SAMSN1: variants seen among roughly 807,000 people sequenced by gnomAD.
SAMSN1 encodes the protein SAM domain-containing protein SAMSN-1.
In SAMSN1, 31 loss-of-function variants were observed where a neutral mutation model predicts 42.0. The ratio of observed to expected loss-of-function variants is 0.74; its 90% CI spans 0.55 to 1.00. The LOEUF is 1.00. Ranked by LOEUF, SAMSN1 falls within the 50% of genes least tolerant of loss-of-function variation. The pLI, the probability that SAMSN1 is intolerant of heterozygous loss-of-function variation, is 0.00. For synonymous variants in SAMSN1, 178 were observed against 151.9 expected (o/e 1.17, Z -1.26); for missense variants, 464 against 439.4 (o/e 1.06, Z -0.50).
Position 14,557,753 on chromosome 21 carries a change from T to C in SAMSN1, c.261+24383A>G, listed in dbSNP as rs562234226. Among the ~76,000 whole-genome samples the C allele has an allele frequency of 2.0e-5, 3 of 152,366 alleles. No homozygotes were observed. The Middle Eastern group carries it at 0.01, about 518-fold the overall frequency. ...AACGTCTCTGGTCTTTGCCTATCTA[T>C]GCCATTCTCCTCCTTTCTTTCTCTG... On this transcript the variant is annotated intron_variant, in intron 2 of 8. Coordinates refer to the SAMSN1 transcript ENST00000285670.
intron 6 of SAMSN1, among the ~76,000 whole-genome samples, chr21:14,595,087 G>T (rs997427032): frequency 1.3e-5 from 2 of 152,108 alleles, no homozygotes; most frequent in Non-Finnish European, 2.9e-5. Context: ...CTCACTTACT[G>T]TCATGAGAAC....
intron 4 of SAMSN1, among the ~76,000 whole-genome samples, chr21:14,611,042 C>T (rs1484178955): frequency 1.3e-5 from 2 of 152,060 alleles, no homozygotes; most frequent in African/African-American, 4.8e-5. Context: ...CCTCCTGCCT[C>T]AATTTCCCAA....
In SAMSN1 at chr21:14,511,534, A is replaced by G. The variant is rs1259879476; in HGVS notation, c.409+910T>C. On this transcript the variant is annotated intron_variant, in intron 4 of 7. Coordinates refer to ENST00000400566, the MANE Select transcript of SAMSN1 (RefSeq NM_022136.5). ...ACAAAATAACTATTCTACAGCCAAT[A>G]GGAAAATAGGAATAAAACTCAGGAT... 3.9e-5 allele frequency among the ~76,000 whole-genome samples: 6 copies of G among 152,380 alleles called. No homozygotes were observed. In the East Asian group the frequency reaches 1.2e-3, roughly 29 times the overall value.
At chr21:14,502,594 G>A (rs1023673940) in intron 5 of SAMSN1, among the ~76,000 whole-genome samples, 5 of 152,174 alleles carry the variant, frequency 3.3e-5, no homozygotes, top group Non-Finnish European at 5.9e-5. Flanking sequence ...GGCAGCAGCA[G>A]CAGTGGTCCC....
chr21:14,601,003 C>T (rs1240106573), intron 6 of SAMSN1, among the ~76,000 whole-genome samples: 2 of 152,108 alleles, frequency 1.3e-5, no homozygotes, highest in African/African-American at 2.4e-5. Flanking sequence ...CTCACTGAAT[C>T]CCATGAAAGT....
At chr21:14,489,701 C>T (rs958238123) in intron 7 of SAMSN1, among the ~76,000 whole-genome samples, 1 of 151,982 alleles carries the variant, frequency 6.6e-6, no homozygotes, top group Non-Finnish European at 1.5e-5. Flanking sequence ...TTAAAAATTA[C>T]TTAGGAAATA....
chr21:14,583,713 C>T (rs1038715645), upstream of SAMSN1: 4 of 717,672 alleles, frequency 5.6e-6, no homozygotes, highest in Admixed American at 6.0e-5. Context: ...TTAGTCCAAA[C>T]CAGTTTCTGT....
At chr21:14,582,291 T>G (rs1981762370) in exon 2 of SAMSN1, 2 of 1,550,696 alleles carry the variant, frequency 1.3e-6, no homozygotes, top group Admixed American at 2.0e-5. Flanking sequence ...TGATGCCACA[T>G]GTAAGCTTCA....
In SAMSN1 at chr21:14,485,957, C is replaced by G; in HGVS notation, c.1077G>C (p.Leu359=). The change falls in exon 8 of 8, where the codon CTG becomes CTC. Residue 359 remains leucine, a synonymous_variant. Transcript: ENST00000400566. ...TAATAATCTTATGTACCATGTCAGA[C>G]AGATTTTCAGACTCCAGATCCTCTT... The part of the protein sequence containing the change: ...NGKEDLESEN[L]SDMVHKIIIT... 4 of 1,613,734 alleles carry G rather than the reference C, an allele frequency of 2.5e-6. No individual in the cohort carries two copies. The highest frequency in any genetic ancestry group is 2.5e-6 in the Non-Finnish European group (3 of 1,179,722).
intron 7 of SAMSN1, among the ~76,000 whole-genome samples, chr21:14,497,481 T>G (rs1986958297): frequency 6.6e-6 from 1 of 152,026 alleles, no homozygotes; most frequent in African/African-American, 2.4e-5. Context: ...TAATCTCAGC[T>G]ACTCGGAGGC....
At chr21:14,650,018 A>C (rs980595523) in intron 1 of SAMSN1, among the ~76,000 whole-genome samples, 1 of 152,156 alleles carries the variant, frequency 6.6e-6, no homozygotes, top group African/African-American at 2.4e-5. Context: ...ATATGCACCC[A>C]ACACTGGAGT....
rs1445647908 is a variant in SAMSN1, at chr21:14,509,158, A to AGAAAG, written c.561+1147_561+1151dup. Among the ~76,000 whole-genome samples the AGAAAG allele has an allele frequency of 6.3e-3, 930 of 147,936 alleles. 28 individuals are homozygous for AGAAAG. In the East Asian group the frequency reaches 0.085, roughly 14 times the overall value. ...AAAAGAAAAAAGAAAAGAAAAGAAA[A>AGAAAG]GAAAGGAAAGGAAAGGAAAAGAAAA... On this transcript the variant is annotated intron_variant, in intron 5 of 7. Transcript: ENST00000400566.
intron 5 of SAMSN1, among the ~76,000 whole-genome samples, chr21:14,603,360 C>G (rs1227848109): frequency 6.6e-6 from 1 of 152,152 alleles, no homozygotes; most frequent in African/African-American, 2.4e-5. Context: ...GTGCAATGCA[C>G]TTTCATAACA....
intron 2 of SAMSN1, among the ~76,000 whole-genome samples, chr21:14,624,666 A>G (rs1043973527): frequency 6.6e-6 from 1 of 152,208 alleles, no homozygotes; most frequent in Non-Finnish European, 1.5e-5. Context: ...GTCCAGGACC[A>G]GATGGATTCA....
exon 7 of SAMSN1, chr21:14,594,065 C>A (rs778935157): frequency 2.8e-6 from 2 of 713,646 alleles, no homozygotes; most frequent in Admixed American, 2.0e-5. Context: ...TGGACTCCAA[C>A]ATTCAGAGGT....
intron 1 of SAMSN1, among the ~76,000 whole-genome samples, chr21:14,537,750 C>T (rs758113575): frequency 6.6e-6 from 1 of 152,014 alleles, no homozygotes; most frequent in Non-Finnish European, 1.5e-5. Flanking sequence ...TCGGCCTAGG[C>T]TCCAAAAACC....
intron 7 of SAMSN1, among the ~76,000 whole-genome samples, chr21:14,588,770 T>C (rs982268177): frequency 3.3e-5 from 5 of 152,236 alleles, no homozygotes; most frequent in African/African-American, 9.6e-5. Flanking sequence ...ATCTCCAAAA[T>C]GTATCTTGAA....
At chr21:14,517,176 C>T in intron 2 of SAMSN1, 135 bp from the exon 3 acceptor site, 1 of 722,606 alleles carries the variant, frequency 1.4e-6, no homozygotes, top group Non-Finnish European at 2.1e-6. Context: ...AAATTTCTAA[C>T]AATCCGGACA....
chr21:14,578,963 T>C (rs1981605160), intron 2 of SAMSN1, among the ~76,000 whole-genome samples: 1 of 152,096 alleles, frequency 6.6e-6, no homozygotes, highest in Admixed American at 6.6e-5. Context: ...CAACACTGCC[T>C]CCTTTACATT....
Sources: gnomAD v4.1 joint callset for allele counts (sites outside exome capture counted in the v4.1 genomes callset) on GRCh38, gnomAD v4.1.1 for gene constraint, MANE v1.5 for transcripts, NCBI Gene and HGNC (gene_info 2026-07-23, HGNC 2026-07-21) for gene names.